The following ZZEF1 variants were observed in gnomAD, a reference collection of about 807,000 sequenced individuals.
ZZEF1 encodes zinc finger ZZ-type and EF-hand domain containing 1, also known as zinc finger ZZ-type and EF-hand domain-containing protein 1.
Under a neutral mutation model 342.8 loss-of-function variants are expected in ZZEF1, and 157 were observed. The observed-to-expected ratio is 0.46, with a 90% CI of 0.40 to 0.52. The LOEUF is 0.52. Ranked by LOEUF, ZZEF1 falls within the 20% of genes least tolerant of loss-of-function variation. ZZEF1 has a pLI of 0.00. For synonymous variants in ZZEF1, 1,505 were observed against 1,429.1 expected (o/e 1.05, Z -1.20); for missense variants, 3,480 against 3,725.6 (o/e 0.93, Z 1.72).
Position 4,043,022 on chromosome 17 carries a change from C to T in ZZEF1, c.6167-454G>A, listed in dbSNP as rs1335806798. ...AAAAGCCTATGGCTGGGCATGTCTG[C>T]GCTCAGCTGTTTCCTTCTCCAGGAG... On this transcript the variant is annotated intron_variant, in intron 38 of 54. Coordinates refer to ENST00000381638, the MANE Select transcript of ZZEF1 (RefSeq NM_015113.4). Among the ~76,000 whole-genome samples the T allele has an allele frequency of 3.9e-5, 6 of 152,290 alleles. No individual in the cohort carries two copies. In the South Asian group the frequency reaches 6.2e-4, roughly 16 times the overall value.
At chr17:4,022,919 A>C in intron 43 of ZZEF1, 91 bp from the exon 44 acceptor site, 2 of 1,509,568 alleles carry the variant, frequency 1.3e-6, no homozygotes, top group Non-Finnish European at 1.8e-6. Flanking sequence ...TCACTCTTTC[A>C]TTCATTCGTC....
chr17:4,109,613 G>A, intron 6 of ZZEF1, 40 bp downstream of exon 6: 2 of 1,594,430 alleles, frequency 1.3e-6, no homozygotes, highest in South Asian at 1.1e-5. Context: ...GGAGAATGAG[G>A]GCATGTTGAG....
intron 39 of ZZEF1, 113 bp downstream of exon 39, chr17:4,042,316 C>G (rs1026317568): frequency 5.1e-6 from 6 of 1,178,688 alleles, no homozygotes; most frequent in Non-Finnish European, 6.0e-6. Context: ...AACTTCTAAT[C>G]CTACCCTTAA....
chr17:4,041,633 A>G (rs2056806194), intron 39 of ZZEF1, among the ~76,000 whole-genome samples: 1 of 152,214 alleles, frequency 6.6e-6, no homozygotes, highest in Non-Finnish European at 1.5e-5. Context: ...ATTCATTATC[A>G]GCTCAGTGAA....
intron 11 of ZZEF1, among the ~76,000 whole-genome samples, chr17:4,091,780 A>G (rs113231656): frequency 1.3e-5 from 2 of 150,982 alleles, no homozygotes; most frequent in African/African-American, 4.9e-5. Context: ...CCATCTCAAA[A>G]AAATATAAAA....
At chr17:4,102,929 G>C (rs1432266847) in intron 8 of ZZEF1, among the ~76,000 whole-genome samples, 3 of 151,730 alleles carry the variant, frequency 2.0e-5, no homozygotes, top group African/African-American at 7.3e-5. Flanking sequence ...ATCAACTTTT[G>C]CTATGATGAT....
intron 39 of ZZEF1, among the ~76,000 whole-genome samples, chr17:4,036,456 C>T (rs547116790): frequency 9.9e-5 from 15 of 152,084 alleles, no homozygotes; most frequent in African/African-American, 3.6e-4. Flanking sequence ...GCTCTAAGGC[C>T]GGGCGCGGTG....
intron 1 of ZZEF1, among the ~76,000 whole-genome samples, chr17:4,136,629 G>A (rs1029119537): frequency 1.3e-5 from 2 of 152,038 alleles, no homozygotes; most frequent in Non-Finnish European, 2.9e-5. Context: ...CGGCAAACCC[G>A]CTGATGCCAT....
At chr17:4,092,093 A>ATAC (rs1196939748) in intron 11 of ZZEF1, among the ~76,000 whole-genome samples, 1 of 149,290 alleles carries the variant, frequency 6.7e-6, no homozygotes, top group Non-Finnish European at 1.5e-5. Context: ...AAAAAAAATA[A>ATAC]TAAAAATAAT....
intron 27 of ZZEF1, 62 bp downstream of exon 27, chr17:4,067,101 T>C: frequency 7.3e-7 from 1 of 1,373,300 alleles, no homozygotes; most frequent in Non-Finnish European, 1.0e-6. Context: ...TTCATCTTAA[T>C]TCCATGATAT....
rs2056565469 is a variant in ZZEF1 at position 4,032,270 on chromosome 17, T to C, written c.6760-12A>G. 1 of 1,606,604 alleles carries C rather than the reference T, an allele frequency of 6.2e-7. No homozygotes were observed. Reference sequence around the variant, plus strand: ...CCCACACAGAGGACCTAGAACGTGGTAGACAGAGACAGAAAGGCAACTCAA... The same window carrying C: ...CCCACACAGAGGACCTAGAACGTGGCAGACAGAGACAGAAAGGCAACTCAA... On this transcript the variant is annotated splice_polypyrimidine_tract_variant and intron_variant, in intron 41 of 54. Coordinates refer to ENST00000381638, the MANE Select transcript of ZZEF1 (RefSeq NM_015113.4).
intron 39 of ZZEF1, among the ~76,000 whole-genome samples, chr17:4,036,288 G>C (rs763586229): frequency 6.6e-6 from 1 of 152,096 alleles, no homozygotes; most frequent in Non-Finnish European, 1.5e-5. Context: ...TGTGTGTGTG[G>C]GGTAAGTGGC....
At chr17:4,089,618 A>G (rs2057907609) in intron 12 of ZZEF1, among the ~76,000 whole-genome samples, 1 of 136,730 alleles carries the variant, frequency 7.3e-6, no homozygotes, top group African/African-American at 2.8e-5. Context: ...GCCCTCCTCC[A>G]CACACTGTAG....
At chr17:4,018,920 T>C (rs2056189545) in intron 46 of ZZEF1, among the ~76,000 whole-genome samples, 1 of 150,048 alleles carries the variant, frequency 6.7e-6, no homozygotes, top group Admixed American at 6.6e-5. Flanking sequence ...ATGAGAACGC[T>C]GGGATTGCTG....
chr17:4,109,859 G>T lies in ZZEF1; in HGVS notation c.1071C>A (p.Val357=). Residue 357 remains valine, a synonymous_variant, in exon 6 of 55, where the codon GTC becomes GTA. Coordinates refer to ENST00000381638, the MANE Select transcript of ZZEF1 (RefSeq NM_015113.4). The part of the protein sequence containing the change: ...LENANVSQLY[V]QINIKRCLSD... ...TAAGACAACGCTTTATGTTAATCTG[G>T]ACATCTGTCGAGCACAAACAAAAAA... is the stretch of plus-strand genomic sequence containing the variant. 6.2e-7 allele frequency: 1 copy of T among 1,614,078 alleles called. No homozygotes were observed. The highest frequency in any genetic ancestry group is 8.5e-7 in the Non-Finnish European group (1 of 1,180,024).
chr17:4,063,289 T>C (rs2057322129), intron 29 of ZZEF1, among the ~76,000 whole-genome samples: 1 of 152,216 alleles, frequency 6.6e-6, no homozygotes, highest in Admixed American at 6.5e-5. Flanking sequence ...AATAATTTTG[T>C]TGGAAAATAT....
chr17:4,132,960 C>T (rs1045624354), intron 1 of ZZEF1, among the ~76,000 whole-genome samples: 4 of 148,798 alleles, frequency 2.7e-5, no homozygotes, highest in Non-Finnish European at 4.4e-5. Context: ...AGCGAGACTC[C>T]ATCTCAAAAA....
chr17:4,017,361 G>C lies in ZZEF1; in HGVS notation c.8001+10C>G. ...TGGTGGGTGAGCACAAGCTCAGTCTGCATAACTACCTTCTCCCACTCATGC... is the reference window on the plus strand; with the variant it reads ...TGGTGGGTGAGCACAAGCTCAGTCTCCATAACTACCTTCTCCCACTCATGC... On this transcript the variant is annotated intron_variant, in intron 48 of 54. Coordinates refer to ENST00000381638, the MANE Select transcript of ZZEF1 (RefSeq NM_015113.4). This position sits in a 1 kb window ranked among gnomAD's most constrained non-coding sequence, Gnocchi z 5.1. The C allele has an allele frequency of 1.3e-6, 2 of 1,577,734 alleles. No homozygotes were observed.
At position 4,006,721 on chromosome 17, in the gene ZZEF1, C is replaced by T. The variant is rs1307842993; in HGVS notation, c.*169G>A. ...TGCTACAGCCTGTGCTTGTGTCCAG[C>T]CTACGCACGGGAGCTCTTGGAGACG... On this transcript the variant is annotated 3_prime_UTR_variant, in exon 55 of 55. Transcript: ENST00000381638. 1.4e-6 allele frequency: 1 copy of T among 706,684 alleles called. No homozygotes were observed. The highest frequency in any genetic ancestry group is 2.5e-6 in the Non-Finnish European group (1 of 395,832). 43.8% of individuals were successfully genotyped at this position (706,684 alleles called of 1,614,324 possible).
Sources: allele counts gnomAD v4.1 joint callset (sites outside exome capture counted in the v4.1 genomes callset), GRCh38; gene constraint gnomAD v4.1.1; non-coding constraint Gnocchi (gnomAD v3.1); transcripts MANE v1.5; gene names NCBI Gene and HGNC (gene_info 2026-07-23, HGNC 2026-07-21).